The following SORBS2 variants were observed in gnomAD, a reference collection of about 807,000 sequenced individuals.
The protein encoded by SORBS2 is sorbin and SH3 domain containing 2.
SORBS2 carries 46 observed loss-of-function variants against 97.7 expected under a neutral mutation model. That is an observed-to-expected ratio of 0.47 (90% confidence interval 0.37 to 0.60). The LOEUF (loss-of-function observed/expected upper bound fraction) is 0.60, where lower values mean the gene tolerates loss of function less well. Ranked by LOEUF, SORBS2 falls within the 20% of genes least tolerant of loss-of-function variation. The probability of loss-of-function intolerance (pLI) is 0.00; values close to 1 mark genes in which losing one functional copy is unlikely to be tolerated. For synonymous variants in SORBS2, 476 were observed against 473.4 expected (o/e 1.01, Z -0.07); for missense variants, 1,316 against 1,282.3 (o/e 1.03, Z -0.40).
intron 1 of SORBS2, among the ~76,000 whole-genome samples, chr4:185,897,435 G>C (rs1377888583): frequency 6.6e-6 from 1 of 152,224 alleles, no homozygotes; most frequent in African/African-American, 2.4e-5. Flanking sequence ...TGCCTACACA[G>C]CTGCCCATAC....
At chr4:185,774,717 C>T (rs957481623) in intron 2 of SORBS2, 2 of 152,034 alleles carry the variant, frequency 1.3e-5, no homozygotes, top group East Asian at 1.9e-4. Context: ...CCCCCAGATT[C>T]CCCCAAATCA....
intron 2 of SORBS2, among the ~76,000 whole-genome samples, chr4:185,703,789 T>G (rs1343120121): frequency 6.6e-6 from 1 of 152,234 alleles, no homozygotes; most frequent in African/African-American, 2.4e-5. Flanking sequence ...AATTATGATT[T>G]AATATTATGG....
chr4:185,873,386 C>A (rs1375030933), intron 1 of SORBS2, among the ~76,000 whole-genome samples: 2 of 152,182 alleles, frequency 1.3e-5, no homozygotes, highest in Admixed American at 6.5e-5. Context: ...TCCTGCCTTA[C>A]TACTTGAATT....
At chr4:185,906,198 T>A (rs2099250737) in intron 1 of SORBS2, among the ~76,000 whole-genome samples, 1 of 152,146 alleles carries the variant, frequency 6.6e-6, no homozygotes, top group African/African-American at 2.4e-5. Flanking sequence ...CATGCCTGGG[T>A]AATTTCGTAT....
At position 185,823,982 on chromosome 4, in the gene SORBS2, T is replaced by G. The variant is rs566509958; in HGVS notation, c.-337-48616A>C. Among the ~76,000 whole-genome samples, 5 of 152,318 alleles carry G rather than the reference T, an allele frequency of 3.3e-5. No individual in the cohort carries two copies. The South Asian group carries it at 1.0e-3, about 32-fold the overall frequency. On this transcript the variant is annotated intron_variant, in intron 1 of 20. Transcript: ENST00000284776. ...CGTATCTTAGGGTAGGAATACCTCT[T>G]ACAAGTTAGGTCATCTTGGGCAGCC...
chr4:185,671,053 A>G (rs992804403), intron 4 of SORBS2, among the ~76,000 whole-genome samples: 1 of 152,204 alleles, frequency 6.6e-6, no homozygotes, highest in African/African-American at 2.4e-5. Context: ...CCTACGACTG[A>G]GAAGGATGGA....
chr4:185,868,159 C>CTTTTT (rs112680775), intron 1 of SORBS2, among the ~76,000 whole-genome samples: 6,627 of 104,890 alleles, frequency 0.063, 596 homozygotes, highest in East Asian at 0.12. Flanking sequence ...TTTTTTCTTT[C>CTTTTT]TTTTTTTTTT....
intron 4 of SORBS2, among the ~76,000 whole-genome samples, chr4:185,633,996 A>T (rs2153436890): frequency 6.6e-6 from 1 of 152,312 alleles, no homozygotes; most frequent in Middle Eastern, 3.4e-3. Flanking sequence ...TAACATACAG[A>T]ATATAACCCC....
At chr4:185,916,816 C>T (rs908724331) in intron 1 of SORBS2, among the ~76,000 whole-genome samples, 2 of 152,194 alleles carry the variant, frequency 1.3e-5, no homozygotes, top group East Asian at 3.9e-4. Context: ...CAAATAGTAA[C>T]AGTGCACAGG....
chr4:185,877,818 C>T (rs574669529), intron 1 of SORBS2, among the ~76,000 whole-genome samples: 2 of 138,954 alleles, frequency 1.4e-5, no homozygotes, highest in South Asian at 2.2e-4. Context: ...TGCAGAGAGC[C>T]GAGATAGCAT....
chr4:185,731,854 CTCTCTCTCTCTCTATATATA>C (rs1225168161), intron 2 of SORBS2, among the ~76,000 whole-genome samples: 1 of 33,776 alleles, frequency 3.0e-5, no homozygotes. Context: ...CTCTCTCTCT[CTCTCTCTCTCTCTATATATA>C]TATATATATA....
intron 1 of SORBS2, among the ~76,000 whole-genome samples, chr4:185,841,497 T>A (rs1269402398): frequency 6.6e-6 from 1 of 152,202 alleles, no homozygotes; most frequent in African/African-American, 2.4e-5. Context: ...AGCCCCAGAT[T>A]ATTCACTTAC....
chr4:185,694,932 C>T (rs1003944766), intron 2 of SORBS2, among the ~76,000 whole-genome samples: 9 of 151,720 alleles, frequency 5.9e-5, no homozygotes, highest in Non-Finnish European at 1.0e-4. Context: ...GTCTCAAACT[C>T]CTGACCTTGT....
intron 1 of SORBS2, among the ~76,000 whole-genome samples, chr4:185,830,362 T>C (rs2099204461): frequency 6.6e-6 from 1 of 152,222 alleles, no homozygotes; most frequent in Non-Finnish European, 1.5e-5. Context: ...CCAGCACACA[T>C]AGGTGCTGTG....
chr4:185,865,939 A>C (rs1339708442), intron 1 of SORBS2, among the ~76,000 whole-genome samples: 1 of 152,198 alleles, frequency 6.6e-6, no homozygotes, highest in East Asian at 1.9e-4. Flanking sequence ...ACTGTCCACA[A>C]ACTGGTTTCA....
chr4:185,731,906 ATAT>A (rs1232471447), intron 2 of SORBS2, among the ~76,000 whole-genome samples: 252 of 78,328 alleles, frequency 3.2e-3, no homozygotes, highest in Middle Eastern at 7.5e-3. Context: ...ATATATATAT[ATAT>A]GTCTGTTTCT....
chr4:185,671,060 T>C (rs910041104), intron 4 of SORBS2, among the ~76,000 whole-genome samples: 1 of 152,122 alleles, frequency 6.6e-6, no homozygotes, highest in African/African-American at 2.4e-5. Flanking sequence ...CTGAGAAGGA[T>C]GGAGGGTAGC....
chr4:185,779,764 G>T (rs1258850403), intron 1 of SORBS2, among the ~76,000 whole-genome samples: 1 of 152,110 alleles, frequency 6.6e-6, no homozygotes, highest in African/African-American at 2.4e-5. Flanking sequence ...CATTCTAGTG[G>T]CATTGTCTAG....
chr4:185,708,728 G>A (rs1280412301), intron 2 of SORBS2, among the ~76,000 whole-genome samples: 1 of 152,136 alleles, frequency 6.6e-6, no homozygotes, highest in African/African-American at 2.4e-5. Flanking sequence ...AAGGAAAGGG[G>A]GAAGAAACAT....
Sources: gnomAD v4.1 joint callset for allele counts (sites outside exome capture counted in the v4.1 genomes callset) on GRCh38, gnomAD v4.1.1 for gene constraint, MANE v1.5 for transcripts, NCBI Gene and HGNC (gene_info 2026-07-23, HGNC 2026-07-21) for gene names.